The following ECT2L variants were observed in gnomAD, a reference collection of about 807,000 sequenced individuals.
The protein encoded by ECT2L is epithelial cell-transforming sequence 2 oncogene-like.
Under a neutral mutation model 122.8 loss-of-function variants are expected in ECT2L, and 126 were observed. The observed-to-expected ratio is 1.03, with a 90% confidence interval of 0.89 to 1.19. The LOEUF (loss-of-function observed/expected upper bound fraction) is 1.19. Among genes scored for constraint, ECT2L ranks in the 50% most tolerant of loss-of-function variants. The probability of loss-of-function intolerance (pLI) is 0.00; values close to 1 mark genes in which losing one functional copy is unlikely to be tolerated. For missense variants in ECT2L, 1,012 were observed against 1,064.1 expected (o/e 0.95, Z 0.68); for synonymous variants, 385 against 381.8 (o/e 1.01, Z -0.10).
At chr6:138,895,463 T>G (rs915759909) in intron 20 of ECT2L, among the ~76,000 whole-genome samples, 1 of 152,198 alleles carries the variant, frequency 6.6e-6, no homozygotes, top group African/African-American at 2.4e-5. Flanking sequence ...GGTCTCCCAG[T>G]GCACAGGCAG....
chr6:138,851,719 T>C (rs1172716380), intron 9 of ECT2L, among the ~76,000 whole-genome samples: 1 of 152,180 alleles, frequency 6.6e-6, no homozygotes, highest in East Asian at 1.9e-4. Flanking sequence ...TAAATACTAT[T>C]CCCTTATCAA....
intron 9 of ECT2L, among the ~76,000 whole-genome samples, chr6:138,850,018 T>TG (rs1777378343): frequency 6.6e-6 from 1 of 151,746 alleles, no homozygotes; most frequent in Admixed American, 6.6e-5. Flanking sequence ...CTGTGCCCAC[T>TG]GAAAAAAAAC....
intron 1 of ECT2L, among the ~76,000 whole-genome samples, chr6:138,805,678 G>T (rs1011763908): frequency 6.6e-6 from 1 of 152,110 alleles, no homozygotes; most frequent in Non-Finnish European, 1.5e-5. Flanking sequence ...ACAGCTGGGG[G>T]CTGGCTCAAA....
At chr6:138,897,745 G>C (rs143624670) in intron 20 of ECT2L, among the ~76,000 whole-genome samples, 187 of 152,178 alleles carry the variant, frequency 1.2e-3, no homozygotes, top group African/African-American at 4.3e-3. Context: ...CATGTCCTTG[G>C]ATTACGAAAG....
chr6:138,822,043 A>G (rs1419650836), intron 4 of ECT2L, among the ~76,000 whole-genome samples: 1 of 152,284 alleles, frequency 6.6e-6, no homozygotes, highest in East Asian at 1.9e-4. Context: ...GCTTTAAGCC[A>G]CTACATTTGT....
intron 4 of ECT2L, among the ~76,000 whole-genome samples, chr6:138,814,948 T>A (rs1776020400): frequency 6.6e-6 from 1 of 152,216 alleles, no homozygotes; most frequent in South Asian, 2.1e-4. Context: ...GGGACATAGG[T>A]AGGCATAATC....
At chr6:138,813,488 T>C in intron 3 of ECT2L, 148 bp downstream of exon 3, 1 of 662,676 alleles carries the variant, frequency 1.5e-6, no homozygotes, top group Non-Finnish European at 2.5e-6. Context: ...CTTAGCTTTG[T>C]CCCAAAGACA....
chr6:138,898,800 G>A (rs1779297922), intron 20 of ECT2L, among the ~76,000 whole-genome samples: 1 of 152,104 alleles, frequency 6.6e-6, no homozygotes, highest in African/African-American at 2.4e-5. Context: ...CCTTATCCAT[G>A]AGAATACCTT....
At position 138,901,104 on chromosome 6, in the gene ECT2L, T is replaced by C. The variant is rs766608473; in HGVS notation, c.2571T>C (p.Asn857=). 6.2e-7 allele frequency: 1 copy of C among 1,613,986 alleles called. No individual in the cohort carries two copies. Among genetic ancestry groups the C allele is most frequent in the Non-Finnish European group, 8.5e-7 (1 of 1,179,958 alleles). The change falls in exon 21 of 22, where the codon AAT becomes AAC. Residue 857 remains asparagine (N), a synonymous_variant. Coordinates refer to ENST00000541398, the MANE Select transcript of ECT2L (RefSeq NM_001077706.3). ...CCCTTCATCGGTTACTCATAGAAAA[T>C]ATTCCAGATTCCAAGTGTATGTATT... is the stretch of plus-strand genomic sequence containing the variant. ...SVALHRLLIE[N]IPDSKYVKNA...
intron 9 of ECT2L, among the ~76,000 whole-genome samples, chr6:138,850,945 G>C (rs1245129825): frequency 7.2e-6 from 1 of 138,010 alleles, no homozygotes. Context: ...ACGTCGCGGT[G>C]AGCCAAGATT....
At chr6:138,886,046 T>C (rs1250139245) in intron 18 of ECT2L, among the ~76,000 whole-genome samples, 1 of 152,176 alleles carries the variant, frequency 6.6e-6, no homozygotes, top group African/African-American at 2.4e-5. Flanking sequence ...TTTCAGATAT[T>C]TGTACAAATA....
intron 10 of ECT2L, among the ~76,000 whole-genome samples, chr6:138,856,853 C>G (rs1490317763): frequency 2.0e-5 from 3 of 152,170 alleles, no homozygotes; most frequent in Non-Finnish European, 4.4e-5. Flanking sequence ...TTGGTAAATT[C>G]ATTTTCACAC....
Position 138,855,548 on chromosome 6 carries a change from A to G in ECT2L, c.1198+1394A>G, listed in dbSNP as rs117378924. On this transcript the variant is annotated intron_variant, in intron 10 of 21. Transcript: ENST00000541398. ...ATATGCATAGAAAAATCTAAAAGGA[A>G]ATATACCAAAATATTAACAGCACCT... is the stretch of plus-strand genomic sequence containing the variant. 1.6e-4 allele frequency among the ~76,000 whole-genome samples: 24 copies of G among 152,248 alleles called. No homozygotes were observed. The East Asian group carries it at 4.6e-3, about 29-fold the overall frequency.
intron 1 of ECT2L, among the ~76,000 whole-genome samples, chr6:138,799,350 T>C (rs1023254165): frequency 1.4e-4 from 21 of 151,228 alleles, no homozygotes; most frequent in African/African-American, 5.1e-4. Context: ...GCCTCCCGGG[T>C]TCATGCCATT....
intron 5 of ECT2L, among the ~76,000 whole-genome samples, chr6:138,840,757 A>T (rs1777011534): frequency 6.6e-6 from 1 of 151,170 alleles, no homozygotes; most frequent in Non-Finnish European, 1.5e-5. Context: ...GTGTGTTTGT[A>T]TGTATCTTGT....
At chr6:138,798,454 A>C (rs1775419566) in intron 1 of ECT2L, among the ~76,000 whole-genome samples, 1 of 152,170 alleles carries the variant, frequency 6.6e-6, no homozygotes, top group South Asian at 2.1e-4. Flanking sequence ...TGGGGTCAAA[A>C]ACCAAATATT....
chr6:138,887,881 G>A lies in ECT2L; in HGVS notation c.2325+959G>A, dbSNP rs550622035. 1.6e-3 allele frequency among the ~76,000 whole-genome samples: 242 copies of A among 152,164 alleles called. 1 individual carries two copies. In the Middle Eastern group the frequency reaches 0.037, roughly 24 times the overall value. On this transcript the variant is annotated intron_variant, in intron 19 of 21. Coordinates refer to ENST00000541398, the MANE Select transcript of ECT2L (RefSeq NM_001077706.3). ...TGCAAAGTTTCCCCCAGCATTTCCA[G>A]CTGTCAGCGGCTTCTTTGTAGGGAT...
intron 10 of ECT2L, among the ~76,000 whole-genome samples, chr6:138,854,646 T>C (rs925504207): frequency 6.6e-6 from 1 of 152,208 alleles, no homozygotes; most frequent in Admixed American, 6.5e-5. Flanking sequence ...GGTACCTTAG[T>C]GCATCTTAAG....
chr6:138,837,902 CTTTT>C (rs10708786), intron 4 of ECT2L, among the ~76,000 whole-genome samples: 5 of 140,656 alleles, frequency 3.6e-5, no homozygotes, highest in Non-Finnish European at 4.6e-5. Context: ...AAAGTGAATA[CTTTT>C]TTTTTTTTTT....
Sources: gnomAD v4.1 joint callset for allele counts (sites outside exome capture counted in the v4.1 genomes callset) on GRCh38, gnomAD v4.1.1 for gene constraint, MANE v1.5 for transcripts, NCBI Gene and HGNC (gene_info 2026-07-23, HGNC 2026-07-21) for gene names.